Variants in KLHL1 observed in about 807,000 individuals in gnomAD.
KLHL1 encodes kelch-like protein 1.
A neutral mutation model predicts 77.7 loss-of-function variants in KLHL1; 47 were observed. That is an observed-to-expected ratio of 0.60 (90% CI 0.48 to 0.77). KLHL1 has a LOEUF of 0.77. KLHL1 is among the 30% of genes least tolerant of loss of function. KLHL1 has a pLI of 0.00. For synonymous variants in KLHL1, 360 were observed against 325.2 expected, an observed-to-expected ratio of 1.11 and a Z score of -1.15; for missense variants, 925 against 910.8, an observed-to-expected ratio of 1.02 and a Z score of -0.20.
intron 1 of KLHL1, among the ~76,000 whole-genome samples, chr13:69,986,214 A>G (rs1005685046): frequency 1.3e-5 from 2 of 151,972 alleles, no homozygotes; most frequent in African/African-American, 4.8e-5. Flanking sequence ...GAGATTGATC[A>G]ATTGATACAA....
At chr13:70,057,469 CAAAAAA>C (rs56235725) in intron 1 of KLHL1, among the ~76,000 whole-genome samples, 10 of 87,092 alleles carry the variant, frequency 1.1e-4, no homozygotes, top group African/African-American at 4.6e-4. Flanking sequence ...AAAGACACAT[CAAAAAA>C]AAAAAAAAAA....
chr13:70,085,083 G>A (rs1293808392), intron 1 of KLHL1, among the ~76,000 whole-genome samples: 1 of 152,100 alleles, frequency 6.6e-6, no homozygotes, highest in Non-Finnish European at 1.5e-5. Flanking sequence ...CATAAATATG[G>A]TGTATAAAGA....
At chr13:69,935,489 A>T (rs1163829217) in intron 4 of KLHL1, among the ~76,000 whole-genome samples, 2 of 152,180 alleles carry the variant, frequency 1.3e-5, no homozygotes, top group African/African-American at 2.4e-5. Flanking sequence ...CTAAAAAATA[A>T]AAAAGGAGTG....
chr13:69,810,235 T>C (rs1229136792), intron 6 of KLHL1, among the ~76,000 whole-genome samples: 4 of 152,126 alleles, frequency 2.6e-5, no homozygotes, highest in African/African-American at 9.6e-5. Flanking sequence ...CCACAGAATA[T>C]ATATTCCTCT....
At chr13:70,015,253 A>G (rs1420971599) in intron 1 of KLHL1, among the ~76,000 whole-genome samples, 2 of 152,152 alleles carry the variant, frequency 1.3e-5, no homozygotes, top group African/African-American at 4.8e-5. Context: ...TAGACATATG[A>G]TATAACCTAC....
chr13:70,047,328 C>A (rs1215524523), intron 1 of KLHL1, among the ~76,000 whole-genome samples: 1 of 149,986 alleles, frequency 6.7e-6, no homozygotes, highest in Non-Finnish European at 1.5e-5. Context: ...AGACTGTATT[C>A]CAGTAGAGAA....
intron 6 of KLHL1, among the ~76,000 whole-genome samples, chr13:69,836,679 G>C (rs1879004215): frequency 6.6e-6 from 1 of 151,974 alleles, no homozygotes; most frequent in Admixed American, 6.6e-5. Flanking sequence ...GAGCATCTAT[G>C]TATTTTCTTA....
chr13:69,764,913 T>G (rs932632067), intron 7 of KLHL1, among the ~76,000 whole-genome samples: 1 of 147,768 alleles, frequency 6.8e-6, no homozygotes, highest in Non-Finnish European at 1.5e-5. Flanking sequence ...TTCTCATGCT[T>G]TCATGTATAT....
chr13:69,783,022 G>A (rs1255232559), intron 7 of KLHL1, among the ~76,000 whole-genome samples: 1 of 152,136 alleles, frequency 6.6e-6, no homozygotes, highest in Non-Finnish European at 1.5e-5. Flanking sequence ...CTGTTCTACA[G>A]CCACTGCTGT....
chr13:70,055,633 G>A (rs929943444), intron 1 of KLHL1, among the ~76,000 whole-genome samples: 1 of 151,982 alleles, frequency 6.6e-6, no homozygotes, highest in East Asian at 1.9e-4. Context: ...AGAATAATAA[G>A]ACATAAATGG....
At chr13:69,925,341 TTAATA>T (rs1393363311) in intron 4 of KLHL1, among the ~76,000 whole-genome samples, 4 of 152,300 alleles carry the variant, frequency 2.6e-5, no homozygotes, top group Admixed American at 1.3e-4. Context: ...ATGAAAACAG[TTAATA>T]TAATATATGT....
chr13:69,783,559 T>A (rs1259025416), intron 7 of KLHL1, among the ~76,000 whole-genome samples: 1 of 151,566 alleles, frequency 6.6e-6, no homozygotes, highest in East Asian at 1.9e-4. Context: ...TGCGATCAAC[T>A]GGAAGAAAGG....
At chr13:69,971,031 T>G (rs1593637332) in intron 2 of KLHL1, among the ~76,000 whole-genome samples, 1 of 152,198 alleles carries the variant, frequency 6.6e-6, no homozygotes, top group African/African-American at 2.4e-5. Flanking sequence ...ATTTCAAAAC[T>G]ACCTTTCTAA....
At chr13:69,705,822 A>G (rs751525174) in intron 10 of KLHL1, among the ~76,000 whole-genome samples, 17 of 151,726 alleles carry the variant, frequency 1.1e-4, no homozygotes, top group Non-Finnish European at 2.5e-4. Flanking sequence ...GATCTTTAGG[A>G]GTCTTTTACC....
chr13:69,945,136 C>T (rs143863293), intron 3 of KLHL1, among the ~76,000 whole-genome samples: 1,549 of 151,556 alleles, frequency 0.01, 26 homozygotes, highest in African/African-American at 0.034. Context: ...CAGTCACCCG[C>T]CACCACGCCC....
intron 7 of KLHL1, among the ~76,000 whole-genome samples, chr13:69,784,154 A>G (rs1025944541): frequency 8.5e-5 from 13 of 152,216 alleles, no homozygotes; most frequent in Non-Finnish European, 1.5e-4. Flanking sequence ...TGTCACCACC[A>G]GGCTTGCCCT....
At chr13:70,096,427 T>C (rs531722227) in intron 1 of KLHL1, among the ~76,000 whole-genome samples, 2 of 152,204 alleles carry the variant, frequency 1.3e-5, no homozygotes, top group South Asian at 2.1e-4. Flanking sequence ...CTTTGATTTA[T>C]ATTTCTCTGA....
At chr13:69,859,103 A>G (rs759510998) in intron 5 of KLHL1, among the ~76,000 whole-genome samples, 3 of 152,030 alleles carry the variant, frequency 2.0e-5, no homozygotes, top group Non-Finnish European at 4.4e-5. Context: ...TTTTACCTTC[A>G]AAATATATCC....
intron 1 of KLHL1, among the ~76,000 whole-genome samples, chr13:70,011,900 G>C (rs9542158): frequency 0.32 from 48,420 of 152,072 alleles, 9,126 homozygotes; most frequent in South Asian, 0.44. Flanking sequence ...GGACTTAAGA[G>C]TTTCACGTGG....
Sources: allele counts gnomAD v4.1 joint callset (sites outside exome capture counted in the v4.1 genomes callset), GRCh38; gene constraint gnomAD v4.1.1; transcripts MANE v1.5; gene names NCBI Gene and HGNC (gene_info 2026-07-23, HGNC 2026-07-21).